The following SEL1L2 variants were observed in gnomAD, a reference collection of about 807,000 sequenced individuals.
SEL1L2 encodes the protein protein sel-1 homolog 2.
A neutral mutation model predicts 98.8 loss-of-function variants in SEL1L2; 89 were observed. The ratio of observed to expected loss-of-function variants is 0.90; its 90% CI spans 0.76 to 1.07. The LOEUF (loss-of-function observed/expected upper bound fraction) is 1.07. SEL1L2 is among the 50% of genes least tolerant of loss of function. SEL1L2 has a pLI of 0.00. For synonymous variants in SEL1L2, 262 were observed against 278.5 expected, an observed-to-expected ratio of 0.94 and a Z score of 0.59; for missense variants, 788 against 812.0, an observed-to-expected ratio of 0.97 and a Z score of 0.36.
At chr20:13,945,648 A>G (rs776041819) in intron 2 of SEL1L2, among the ~76,000 whole-genome samples, 4 of 152,134 alleles carry the variant, frequency 2.6e-5, no homozygotes, top group Non-Finnish European at 5.9e-5. Context: ...CAGGAAAGAA[A>G]ACTATAGACC....
chr20:13,853,745 T>C (rs1362634842), intron 18 of SEL1L2, among the ~76,000 whole-genome samples: 1 of 152,186 alleles, frequency 6.6e-6, no homozygotes, highest in African/African-American at 2.4e-5. Context: ...AAATCTCAGA[T>C]TGTCCCTAGG....
At chr20:13,931,319 C>T (rs897815465) in intron 3 of SEL1L2, among the ~76,000 whole-genome samples, 13 of 151,974 alleles carry the variant, frequency 8.6e-5, no homozygotes, top group Non-Finnish European at 1.9e-4. Context: ...CGTGAGCCAC[C>T]GCGCCTGGCC....
At chr20:13,910,884 G>A (rs1353138649) in intron 5 of SEL1L2, among the ~76,000 whole-genome samples, 1 of 152,186 alleles carries the variant, frequency 6.6e-6, no homozygotes, top group East Asian at 1.9e-4. Flanking sequence ...ACACAAATTA[G>A]ATGCAATAAC....
intron 18 of SEL1L2, among the ~76,000 whole-genome samples, chr20:13,851,808 G>C (rs1988304312): frequency 6.6e-6 from 1 of 151,586 alleles, no homozygotes; most frequent in Non-Finnish European, 1.5e-5. Context: ...CATTACTTAG[G>C]CTTTGATACT....
Position 13,886,345 on chromosome 20 carries a change from A to G in SEL1L2, c.843T>C (p.Asp281=). 1 of 1,613,474 alleles carries G rather than the reference A, an allele frequency of 6.2e-7. No individual in the cohort carries two copies. The highest frequency in any genetic ancestry group is 8.5e-7 in the Non-Finnish European group (1 of 1,179,418). Residue 281 remains aspartate, a synonymous_variant, in exon 9 of 20, where the codon GAT becomes GAC. Transcript: ENST00000284951. ...ENLSSNSEIL[D]WDIYQYYKFL... is the part of the protein sequence containing the mutation. The stretch of plus-strand genomic sequence containing the variant: ...ATTTATAGTATTGGTATATGTCCCA[A>G]TCCAAAATCTCACTGTTAGAACTCA...
intron 3 of SEL1L2, among the ~76,000 whole-genome samples, chr20:13,929,638 C>G (rs984728680): frequency 6.6e-6 from 1 of 150,878 alleles, no homozygotes; most frequent in East Asian, 2.0e-4. Flanking sequence ...GTAGCTTGGA[C>G]TACAGGCGCC....
At chr20:13,904,580 G>T (rs2047835299) in intron 5 of SEL1L2, among the ~76,000 whole-genome samples, 1 of 151,938 alleles carries the variant, frequency 6.6e-6, no homozygotes, top group South Asian at 2.1e-4. Context: ...CTCTGATTCT[G>T]CTAATTCCTC....
intron 18 of SEL1L2, among the ~76,000 whole-genome samples, chr20:13,855,585 T>C (rs567758103): frequency 5.9e-5 from 9 of 152,358 alleles, no homozygotes; most frequent in African/African-American, 1.7e-4. Flanking sequence ...TTCTCCCCCA[T>C]TCAGCATTCC....
Position 13,911,961 on chromosome 20 carries a change from G to A in SEL1L2, c.549+1821C>T, listed in dbSNP as rs1473026209. ...CAGTGTTCCAGGTATGAAACTAAGT[G>A]TCTTCCCACATTATTTTAATCCTCA... On this transcript the variant is annotated intron_variant, in intron 5 of 19. Coordinates refer to ENST00000284951, the MANE Select transcript of SEL1L2 (RefSeq NM_025229.2). Among the ~76,000 whole-genome samples, 4 of 151,992 alleles carry A rather than the reference G, an allele frequency of 2.6e-5. No individual in the cohort carries two copies. In the East Asian group the frequency reaches 5.8e-4, roughly 22 times the overall value.
chr20:13,898,413 A>C (rs1323623313), intron 5 of SEL1L2, among the ~76,000 whole-genome samples: 2 of 152,190 alleles, frequency 1.3e-5, no homozygotes, highest in Non-Finnish European at 2.9e-5. Context: ...AAGAGTCTAC[A>C]TTCTGTATAG....
At position 13,972,285 on chromosome 20, in the gene SEL1L2, G is replaced by A. The variant is rs73267322; in HGVS notation, c.59-16154C>T. Among the ~76,000 whole-genome samples the A allele has an allele frequency of 1.6e-3, 245 of 152,214 alleles. 1 individual carries two copies. Among genetic ancestry groups the A allele is most frequent in the African/African-American group, 5.4e-3 (225 of 41,548 alleles). On this transcript the variant is annotated intron_variant, in intron 1 of 19. Transcript: ENST00000284951. ...AGATGTACAGCTTTAATTTATTCACGTTTCTTTGTTTAATGTTCTCCAGAT... is the reference window on the plus strand; with the variant it reads ...AGATGTACAGCTTTAATTTATTCACATTTCTTTGTTTAATGTTCTCCAGAT...
chr20:13,880,863 A>AC (rs202150581), intron 10 of SEL1L2, among the ~76,000 whole-genome samples: 2,090 of 152,234 alleles, frequency 0.014, 48 homozygotes, highest in African/African-American at 0.047. Flanking sequence ...TAAGTAAGTA[A>AC]AGTTTTATTA....
Position 13,929,487 on chromosome 20 carries a change from C to CTTTTT in SEL1L2, c.283+2111_283+2115dup, listed in dbSNP as rs747948529. The stretch of plus-strand genomic sequence containing the variant: ...TTGGATATCCTCTAATTGCCTTTGC[C>CTTTTT]TTTTTTTTTTTTTTTTTTTTTTTTT... On this transcript the variant is annotated intron_variant, in intron 3 of 19. Transcript: ENST00000284951. 6.1e-4 allele frequency among the ~76,000 whole-genome samples: 45 copies of CTTTTT among 73,318 alleles called. 7 individuals are homozygous for CTTTTT. Among genetic ancestry groups the CTTTTT allele is most frequent in the Admixed American group, 1.4e-3 (6 of 4,170 alleles). 48.1% of individuals were successfully genotyped at this position (73,318 alleles called of 152,430 possible).
intron 16 of SEL1L2, 39 bp from the exon 17 acceptor site, chr20:13,865,280 G>A: frequency 6.2e-7 from 1 of 1,607,910 alleles, no homozygotes; most frequent in South Asian, 1.1e-5. Context: ...GGCTTAAAAT[G>A]CCTCTGTAGT....
chr20:13,927,659 C>T (rs1228118934), intron 3 of SEL1L2, among the ~76,000 whole-genome samples: 3 of 152,016 alleles, frequency 2.0e-5, no homozygotes, highest in Admixed American at 6.6e-5. Context: ...TGTGAAGGAC[C>T]GGTAGGTCTG....
chr20:13,883,039 C>T (rs1380982155), intron 10 of SEL1L2, among the ~76,000 whole-genome samples: 2 of 152,072 alleles, frequency 1.3e-5, no homozygotes, highest in African/African-American at 4.8e-5. Context: ...CCAGGATGGT[C>T]TCGATCTCCT....
At chr20:13,908,697 A>G (rs2048086748) in intron 5 of SEL1L2, among the ~76,000 whole-genome samples, 1 of 152,226 alleles carries the variant, frequency 6.6e-6, no homozygotes, top group African/African-American at 2.4e-5. Flanking sequence ...TATTCCGTTA[A>G]TTAATAGTTC....
intron 1 of SEL1L2, among the ~76,000 whole-genome samples, chr20:13,988,628 T>C (rs565383232): frequency 6.6e-6 from 1 of 152,248 alleles, no homozygotes; most frequent in Non-Finnish European, 1.5e-5. Context: ...TCCAACTCCA[T>C]TCTTCTTTTT....
rs1441660836 is a variant in SEL1L2, at chr20:13,921,188, A to G, written c.284-2065T>C. ...GGCTTTCCAAATGTATTGGAATTCA[A>G]TTATTCGTTTTCTTCACTCTGTTGC... On this transcript the variant is annotated intron_variant, in intron 3 of 19. Coordinates refer to ENST00000284951, the MANE Select transcript of SEL1L2 (RefSeq NM_025229.2). Among the ~76,000 whole-genome samples the G allele has an allele frequency of 2.0e-5, 3 of 152,156 alleles. No individual in the cohort carries two copies. The East Asian group carries it at 5.8e-4, about 29-fold the overall frequency.
Sources: allele counts gnomAD v4.1 joint callset (sites outside exome capture counted in the v4.1 genomes callset), GRCh38; gene constraint gnomAD v4.1.1; transcripts MANE v1.5; gene names NCBI Gene and HGNC (gene_info 2026-07-23, HGNC 2026-07-21).